ZDHHC21: variants seen among roughly 807,000 people sequenced by gnomAD.
The protein encoded by ZDHHC21 is palmitoyltransferase ZDHHC21.
ZDHHC21 carries 15 observed loss-of-function variants against 34.6 expected under a neutral mutation model. The ratio of observed to expected loss-of-function variants is 0.43; its 90% CI spans 0.29 to 0.67. ZDHHC21 has a LOEUF of 0.67. Ranked by LOEUF, ZDHHC21 falls within the 30% of genes least tolerant of loss-of-function variation. ZDHHC21 has a pLI of 0.14. For synonymous variants in ZDHHC21, 142 were observed against 101.8 expected, an observed-to-expected ratio of 1.40 and a Z score of -2.38; for missense variants, 344 against 327.7, an observed-to-expected ratio of 1.05 and a Z score of -0.38.
rs562683606 is a variant in ZDHHC21, at chr9:14,687,271, T to C, written c.-176+3066A>G. ...GAAAAATCCTACTTTACATTTATAG[T>C]TATCAGAGCTACACTGCAGACACAG... On this transcript the variant is annotated intron_variant, in intron 2 of 9. Coordinates refer to ENST00000380916, the MANE Select transcript of ZDHHC21 (RefSeq NM_178566.6). 9.7e-4 allele frequency among the ~76,000 whole-genome samples: 147 copies of C among 150,894 alleles called. 10 individuals are homozygous for C. Among genetic ancestry groups the C allele is most frequent in the African/African-American group, 3.2e-3 (130 of 40,190 alleles).
intron 7 of ZDHHC21, among the ~76,000 whole-genome samples, chr9:14,648,696 C>G (rs1489383063): frequency 6.6e-6 from 1 of 152,068 alleles, no homozygotes; most frequent in Non-Finnish European, 1.5e-5. Flanking sequence ...GCTCCTTAAA[C>G]ACAGGAACTT....
chr9:14,607,112 C>G (rs560005471), downstream of ZDHHC21, among the ~76,000 whole-genome samples: 113 of 144,706 alleles, frequency 7.8e-4, no homozygotes, highest in African/African-American at 2.7e-3. Context: ...CTACATGATG[C>G]CCACTACAGA....
At chr9:14,622,707 A>G in intron 8 of ZDHHC21, 1 of 985,386 alleles carries the variant, frequency 1.0e-6, no homozygotes, top group Non-Finnish European at 1.2e-6. Flanking sequence ...AATCGCACAT[A>G]AAGGAATAAA....
chr9:14,638,758 T>C (rs2133687614), intron 8 of ZDHHC21, among the ~76,000 whole-genome samples: 1 of 151,966 alleles, frequency 6.6e-6, no homozygotes, highest in East Asian at 1.9e-4. Context: ...CCAACAGGTA[T>C]ATGAAAAGTA....
intron 2 of ZDHHC21, among the ~76,000 whole-genome samples, chr9:14,690,051 G>C (rs1281566034): frequency 6.6e-6 from 1 of 152,138 alleles, no homozygotes; most frequent in Admixed American, 6.5e-5. Flanking sequence ...GATAGGGACA[G>C]GGATTTAAAA....
the ZDHHC21 span, among the ~76,000 whole-genome samples, chr9:14,600,152 C>T: frequency 9.9e-5 from 15 of 152,246 alleles, 1 homozygote; most frequent in African/African-American, 3.6e-4. Flanking sequence ...GAAGTTCTAG[C>T]CAGGGCAATC....
chr9:14,660,686 G>C (rs957657983), intron 6 of ZDHHC21, among the ~76,000 whole-genome samples: 2 of 151,970 alleles, frequency 1.3e-5, no homozygotes, highest in Admixed American at 1.3e-4. Flanking sequence ...CTGAAAAGTT[G>C]ACTAAAACTA....
At chr9:14,592,134 T>C in the ZDHHC21 span, among the ~76,000 whole-genome samples, 3 of 152,082 alleles carry the variant, frequency 2.0e-5, no homozygotes. Context: ...CCTTTCTTCC[T>C]GCTTTTGTAT....
chr9:14,628,194 G>C (rs893660518), intron 8 of ZDHHC21, among the ~76,000 whole-genome samples: 3 of 152,148 alleles, frequency 2.0e-5, no homozygotes, highest in African/African-American at 7.2e-5. Context: ...TTTTAACCTT[G>C]AAAATGAGAT....
At chr9:14,688,501 T>C (rs1174452208) in intron 2 of ZDHHC21, among the ~76,000 whole-genome samples, 1 of 150,580 alleles carries the variant, frequency 6.6e-6, no homozygotes, top group Non-Finnish European at 1.5e-5. Context: ...AGGGGTAGGA[T>C]TGCTTGAGCT....
chr9:14,673,388 T>C (rs1835822736), intron 4 of ZDHHC21, among the ~76,000 whole-genome samples: 1 of 152,002 alleles, frequency 6.6e-6, no homozygotes, highest in Non-Finnish European at 1.5e-5. Flanking sequence ...CTTAAAATGA[T>C]TAGTTTGATA....
chr9:14,643,357 G>A (rs1293166176), intron 7 of ZDHHC21, among the ~76,000 whole-genome samples: 2 of 152,062 alleles, frequency 1.3e-5, no homozygotes, highest in Non-Finnish European at 2.9e-5. Context: ...CCCATTGCTG[G>A]CTCTCCCTCA....
chr9:14,610,138 G>A (rs917627207), downstream of ZDHHC21, among the ~76,000 whole-genome samples: 10 of 151,640 alleles, frequency 6.6e-5, no homozygotes, highest in South Asian at 1.2e-3. Context: ...GATCCTAATC[G>A]GTTTTATTTT....
chr9:14,676,505 AAAAACAAAAAAC>A (rs1197023288), intron 3 of ZDHHC21, among the ~76,000 whole-genome samples: 1 of 152,020 alleles, frequency 6.6e-6, no homozygotes, highest in Non-Finnish European at 1.5e-5. Context: ...GCAGCAGAAA[AAAAACAAAAAAC>A]AAAACAAAAA....
intron 7 of ZDHHC21, among the ~76,000 whole-genome samples, chr9:14,652,525 A>G (rs905448148): frequency 1.3e-5 from 2 of 152,002 alleles, no homozygotes; most frequent in Non-Finnish European, 2.9e-5. Context: ...ATTAAGAAGA[A>G]ATCTAAAAAG....
In ZDHHC21 at chr9:14,648,101, G is replaced by A. The variant is rs117418739; in HGVS notation, c.505-8089C>T. ...TCTCCATTCTTCCAGTTGTTTGGGC[G>A]GTGAAGCCCTGGAAATATCCTTGAC... On this transcript the variant is annotated intron_variant, in intron 7 of 9. Coordinates refer to ENST00000380916, the MANE Select transcript of ZDHHC21 (RefSeq NM_178566.6). 3.4e-3 allele frequency among the ~76,000 whole-genome samples: 524 copies of A among 152,058 alleles called. 2 individuals carry two copies. Among genetic ancestry groups the A allele is most frequent in the South Asian group, 7.7e-3 (37 of 4,816 alleles).
intron 6 of ZDHHC21, among the ~76,000 whole-genome samples, chr9:14,659,507 A>G (rs993887283): frequency 1.3e-5 from 2 of 152,342 alleles, no homozygotes; most frequent in Admixed American, 1.3e-4. Context: ...TACAATAAAA[A>G]ATTTTCAAGG....
intron 5 of ZDHHC21, among the ~76,000 whole-genome samples, chr9:14,664,589 C>T (rs1355434437): frequency 6.6e-6 from 1 of 150,624 alleles, no homozygotes; most frequent in African/African-American, 2.4e-5. Context: ...GCAGTAACCT[C>T]CACAGACTTA....
chr9:14,646,889 T>G (rs745733042), intron 7 of ZDHHC21, among the ~76,000 whole-genome samples: 45 of 152,132 alleles, frequency 3.0e-4, no homozygotes, highest in Non-Finnish European at 3.7e-4. Flanking sequence ...GCAAGTTTCT[T>G]GAAGATGGGG....
Sources: allele counts gnomAD v4.1 joint callset (sites outside exome capture counted in the v4.1 genomes callset), GRCh38; gene constraint gnomAD v4.1.1; transcripts MANE v1.5; gene names NCBI Gene and HGNC (gene_info 2026-07-23, HGNC 2026-07-21).